SMG7: variants seen among roughly 807,000 people sequenced by gnomAD.
The protein encoded by SMG7 is nonsense-mediated mRNA decay factor SMG7.
SMG7 carries 34 observed loss-of-function variants against 148.2 expected under a neutral mutation model. The observed-to-expected ratio is 0.23, with a 90% CI of 0.17 to 0.31. SMG7 has a LOEUF of 0.31. SMG7 is among the 10% of genes least tolerant of loss of function. The pLI is 1.00. For missense variants in SMG7, 1,114 were observed against 1,408.4 expected (o/e 0.79, Z 3.35); for synonymous variants, 492 against 515.1 (o/e 0.96, Z 0.61).
At chr1:183,502,475 A>G in intron 1 of SMG7, 1 of 1,113,356 alleles carries the variant, frequency 9.0e-7, no homozygotes, top group Non-Finnish European at 1.2e-6. Flanking sequence ...AATACTAATA[A>G]AATTAGAAAC....
At chr1:183,478,267 C>G (rs1470213912) in intron 1 of SMG7, among the ~76,000 whole-genome samples, 1 of 152,100 alleles carries the variant, frequency 6.6e-6, no homozygotes, top group African/African-American at 2.4e-5. Flanking sequence ...TTCACCTGCC[C>G]CATCCCCTTC....
intron 1 of SMG7, among the ~76,000 whole-genome samples, chr1:183,493,060 T>C (rs1262996826): frequency 6.6e-6 from 1 of 152,142 alleles, no homozygotes; most frequent in African/African-American, 2.4e-5. Context: ...CTTCAAACTC[T>C]TAGGCTCAAG....
At chr1:183,534,694 C>CGT (rs1667431538) in intron 10 of SMG7, among the ~76,000 whole-genome samples, 1 of 152,050 alleles carries the variant, frequency 6.6e-6, no homozygotes, top group South Asian at 2.1e-4. Context: ...AACCCCATCT[C>CGT]TTTTACTAAA....
chr1:183,491,145 T>C (rs1173517554), intron 1 of SMG7, among the ~76,000 whole-genome samples: 2 of 152,230 alleles, frequency 1.3e-5, no homozygotes, highest in African/African-American at 4.8e-5. Context: ...ATTACTCTGA[T>C]TTTTTTCAAT....
At position 183,552,423 on chromosome 1, in the gene SMG7, CACA is replaced by C; in HGVS notation, c.*493_*495del. Reference sequence around the variant, plus strand: ...ATTATTACTCTCAGTAGTAAAATATCACACTGAATTCTTCCATACACAGGTGTG... The same window carrying C: ...ATTATTACTCTCAGTAGTAAAATATCCTGAATTCTTCCATACACAGGTGTG... On this transcript the variant is annotated 3_prime_UTR_variant, in exon 23 of 23. Transcript: ENST00000688051. The C allele has an allele frequency of 4.0e-6, 4 of 990,314 alleles. No individual in the cohort carries two copies. Among genetic ancestry groups the C allele is most frequent in the Non-Finnish European group, 4.8e-6 (4 of 832,762 alleles). 61.3% of individuals were successfully genotyped at this position (990,314 alleles called of 1,614,324 possible). A position where few individuals can be genotyped will look rare whatever the true frequency, so the allele number is the denominator to read the frequency against.
rs752652865 is a variant in SMG7 at position 183,533,267 on chromosome 1, A to T, written c.947A>T (p.Glu316Val). 1.9e-6 allele frequency: 3 copies of T among 1,614,022 alleles called. No homozygotes were observed. Among genetic ancestry groups the T allele is most frequent in the Non-Finnish European group, 2.5e-6 (3 of 1,179,896 alleles). The change falls in exon 9 of 23, where the codon GAG (glutamate) becomes GTG (valine). Residue 316 changes from glutamate (E) to valine (V), a missense_variant. Transcript: ENST00000688051. The part of the protein sequence containing the change: ...HHLRDFSNET[E>V]QHTYSQDEQL... ...CTTCGTGACTTTAGCAATGAAACCG[A>T]GCAGCACACTTATAGCCAAGATGAG...
chr1:183,526,564 T>A, intron 4 of SMG7, 32 bp from the exon 5 acceptor site: 16 of 1,490,010 alleles, frequency 1.1e-5, no homozygotes, highest in Non-Finnish European at 1.4e-5. Flanking sequence ...CACTTGTGAC[T>A]TACTACTAAA....
Position 183,535,360 on chromosome 1 carries a change from T to G in SMG7, c.1163+1528T>G, listed in dbSNP as rs1229988965. Among the ~76,000 whole-genome samples, 8 of 152,294 alleles carry G rather than the reference T, an allele frequency of 5.3e-5. No homozygotes were observed. In the East Asian group the frequency reaches 1.5e-3, roughly 29 times the overall value. On this transcript the variant is annotated intron_variant, in intron 10 of 22. Coordinates refer to ENST00000688051, the MANE Select transcript of SMG7 (RefSeq NM_001375584.1). ...TGGCAAACATTTTTTCCCTCCATTT[T>G]TTTCTGTCATTTACTCTTTCCACTT...
chr1:183,552,799 A>C lies in SMG7; in HGVS notation c.*868A>C, dbSNP rs1671264805. 12 of 1,418,384 alleles carry C rather than the reference A, an allele frequency of 8.5e-6. No homozygotes were observed. In the South Asian group the frequency reaches 1.4e-4, roughly 17 times the overall value. The allele number at this position is 1,418,384 out of a possible 1,614,324, so 87.9% of individuals were successfully genotyped here. A position where few individuals can be genotyped will look rare whatever the true frequency, so the allele number is the denominator to read the frequency against. On this transcript the variant is annotated 3_prime_UTR_variant, in exon 23 of 23. Transcript: ENST00000688051. ...ACAGAAGGCAGGCTAGTCCATTCAC[A>C]GCCTGACACGTTCTAATAGGTAGAA...
intron 10 of SMG7, among the ~76,000 whole-genome samples, chr1:183,536,645 G>A (rs1379935379): frequency 1.3e-5 from 2 of 152,050 alleles, no homozygotes; most frequent in East Asian, 1.9e-4. Context: ...TAGAGTTAAG[G>A]CTTTTGTAAA....
At chr1:183,506,456 G>A (rs1660909807) in intron 1 of SMG7, among the ~76,000 whole-genome samples, 1 of 152,146 alleles carries the variant, frequency 6.6e-6, no homozygotes, top group South Asian at 2.1e-4. Flanking sequence ...GAGACTTGAT[G>A]TGTGTGTGGG....
rs1667727614 is a variant in SMG7, at chr1:183,536,062, G to A, written c.1164-1083G>A. Among the ~76,000 whole-genome samples the A allele has an allele frequency of 2.0e-5, 3 of 152,078 alleles. No individual in the cohort carries two copies. In the South Asian group the frequency reaches 6.2e-4, roughly 32 times the overall value. ...GTTAACTTACAATTTTCCGTAGTGT[G>A]ATTATTTACGTCCAGTTTCTCTATC... On this transcript the variant is annotated intron_variant, in intron 10 of 22. Transcript: ENST00000688051.
At chr1:183,523,054 C>A (rs978427250) in intron 4 of SMG7, among the ~76,000 whole-genome samples, 7 of 152,224 alleles carry the variant, frequency 4.6e-5, no homozygotes, top group African/African-American at 1.7e-4. Context: ...GAACCAAATT[C>A]CTGGTCAAAG....
intron 1 of SMG7, among the ~76,000 whole-genome samples, chr1:183,498,193 T>C (rs532184511): frequency 2.0e-5 from 3 of 152,294 alleles, no homozygotes; most frequent in African/African-American, 4.8e-5. Context: ...AGTTGAACTT[T>C]ATTTCTCCCT....
At chr1:183,512,916 T>A in intron 2 of SMG7, 48 bp downstream of exon 2, 1 of 1,499,612 alleles carries the variant, frequency 6.7e-7, no homozygotes, top group Non-Finnish European at 9.0e-7. Flanking sequence ...ATATATTAAA[T>A]TAATGGAAGG....
At chr1:183,535,574 A>G (rs1391517865) in intron 10 of SMG7, among the ~76,000 whole-genome samples, 1 of 152,202 alleles carries the variant, frequency 6.6e-6, no homozygotes, top group Non-Finnish European at 1.5e-5. Context: ...ATGGAAAAAC[A>G]ATGACTGTTT....
intron 15 of SMG7, 137 bp downstream of exon 15, chr1:183,544,634 T>G (rs1360006725): frequency 3.2e-6 from 3 of 945,634 alleles, no homozygotes; most frequent in Non-Finnish European, 3.1e-6. Context: ...ACTTATAAAA[T>G]TATTTTTGAA....
intron 4 of SMG7, among the ~76,000 whole-genome samples, chr1:183,523,677 A>C (rs964861524): frequency 6.6e-6 from 1 of 152,204 alleles, no homozygotes; most frequent in Non-Finnish European, 1.5e-5. Context: ...TCTCTTTCTC[A>C]GAATCTTTGA....
At chr1:183,474,600 T>G (rs1380434202) in intron 1 of SMG7, among the ~76,000 whole-genome samples, 1 of 152,148 alleles carries the variant, frequency 6.6e-6, no homozygotes, top group Non-Finnish European at 1.5e-5. Flanking sequence ...AAATAAAAGA[T>G]ACGAAGTGTT....
Sources: gnomAD v4.1 joint callset for allele counts (sites outside exome capture counted in the v4.1 genomes callset) on GRCh38, gnomAD v4.1.1 for gene constraint, MANE v1.5 for transcripts, NCBI Gene and HGNC (gene_info 2026-07-23, HGNC 2026-07-21) for gene names.